The following NRXN3 variants were observed in gnomAD, a reference collection of about 807,000 sequenced individuals.
The protein encoded by NRXN3 is neurexin 3, also known as neurexin III.
In NRXN3, 32 loss-of-function variants were observed where a neutral mutation model predicts 137.6. The observed-to-expected ratio is 0.23, with a 90% CI of 0.18 to 0.31. The LOEUF (loss-of-function observed/expected upper bound fraction) is 0.31. Ranked by LOEUF, NRXN3 falls within the 10% of genes least tolerant of loss-of-function variation. The probability of loss-of-function intolerance (pLI) is 1.00; values close to 1 mark genes in which losing one functional copy is unlikely to be tolerated. For missense variants in NRXN3, 1,574 were observed against 2,062.5 expected, an observed-to-expected ratio of 0.76 and a Z score of 4.59; for synonymous variants, 798 against 784.5, an observed-to-expected ratio of 1.02 and a Z score of -0.29.
chr14:78,983,403 A>T (rs2099494482), intron 14 of NRXN3, among the ~76,000 whole-genome samples: 1 of 152,258 alleles, frequency 6.6e-6, no homozygotes, highest in Non-Finnish European at 1.5e-5. Flanking sequence ...CTGGGTGTTC[A>T]TCCTCAGATG....
chr14:78,315,172 T>G (rs1438329950), intron 4 of NRXN3, among the ~76,000 whole-genome samples: 1 of 151,598 alleles, frequency 6.6e-6, no homozygotes, highest in Non-Finnish European at 1.5e-5. Context: ...CCAGCTAATT[T>G]TTGTATTTTT....
At chr14:78,570,993 G>C (rs939851169) in intron 4 of NRXN3, among the ~76,000 whole-genome samples, 2 of 152,134 alleles carry the variant, frequency 1.3e-5, no homozygotes, top group Admixed American at 6.5e-5. Context: ...CAGCAGCCCC[G>C]CTGGGCCCTG....
intron 19 of NRXN3, among the ~76,000 whole-genome samples, chr14:79,749,181 A>T (rs530766624): frequency 1.3e-5 from 2 of 152,176 alleles, no homozygotes; most frequent in African/African-American, 4.8e-5. Flanking sequence ...GGGCATTGTT[A>T]GGAGGAGACT....
chr14:79,303,158 T>G (rs1312840603), intron 15 of NRXN3, among the ~76,000 whole-genome samples: 1 of 152,040 alleles, frequency 6.6e-6, no homozygotes, highest in African/African-American at 2.4e-5. Context: ...TCTTCCAGGC[T>G]TGGGGCTTTA....
At chr14:78,464,401 G>A (rs990542686) in intron 4 of NRXN3, among the ~76,000 whole-genome samples, 2 of 152,150 alleles carry the variant, frequency 1.3e-5, no homozygotes, top group South Asian at 2.1e-4. Context: ...TAGACAGTAA[G>A]GGAGGAGGCT....
chr14:78,217,866 G>T (rs776079370), intron 1 of NRXN3, among the ~76,000 whole-genome samples: 9 of 152,116 alleles, frequency 5.9e-5, no homozygotes, highest in Non-Finnish European at 1.3e-4. Context: ...TCACCATGTT[G>T]ACCAGGCTGG....
intron 4 of NRXN3, among the ~76,000 whole-genome samples, chr14:78,604,867 A>T (rs1379588729): frequency 6.6e-6 from 1 of 152,230 alleles, no homozygotes; most frequent in Non-Finnish European, 1.5e-5. Context: ...TGTTCAAAGT[A>T]TTGAAAGCAC....
At chr14:79,781,059 A>G (rs1279379870) in intron 19 of NRXN3, among the ~76,000 whole-genome samples, 1 of 151,806 alleles carries the variant, frequency 6.6e-6, no homozygotes, top group Non-Finnish European at 1.5e-5. Context: ...TTTTTAAATA[A>G]TTAACTAAAC....
chr14:79,308,209 A>G (rs1052285991), intron 15 of NRXN3, among the ~76,000 whole-genome samples: 1 of 152,164 alleles, frequency 6.6e-6, no homozygotes, highest in African/African-American at 2.4e-5. Flanking sequence ...GAATGTTGAA[A>G]TGAAGTAATT....
At chr14:79,132,749 T>A (rs2057718546) in intron 15 of NRXN3, among the ~76,000 whole-genome samples, 1 of 152,146 alleles carries the variant, frequency 6.6e-6, no homozygotes, top group Non-Finnish European at 1.5e-5. Context: ...AGGAACAGAC[T>A]CTGAGATTGA....
intron 6 of NRXN3, chr14:78,708,369 GGCTGAAATAGGGCTTCAGGGTGTCTC>G (rs2098376760): frequency 6.6e-6 from 1 of 152,204 alleles, no homozygotes; most frequent in South Asian, 2.1e-4. Context: ...TTGACTGACT[GGCTGAAATAGGGCTTCAGGGTGTCTC>G]ATTCTACCAC....
intron 15 of NRXN3, among the ~76,000 whole-genome samples, chr14:79,100,326 C>T (rs552812608): frequency 3.2e-4 from 48 of 152,310 alleles, no homozygotes; most frequent in African/African-American, 1.1e-3. Flanking sequence ...AATCCCCGAT[C>T]GTCTCTTTCT....
chr14:79,684,321 A>G (rs1455449346), intron 17 of NRXN3, among the ~76,000 whole-genome samples: 3 of 152,168 alleles, frequency 2.0e-5, no homozygotes, highest in African/African-American at 7.2e-5. Flanking sequence ...TTAGTTAGAA[A>G]CAAGCCTAAT....
intron 15 of NRXN3, among the ~76,000 whole-genome samples, chr14:79,379,746 G>A (rs911828519): frequency 6.6e-6 from 1 of 152,102 alleles, no homozygotes; most frequent in African/African-American, 2.4e-5. Flanking sequence ...ACAGGGGGCA[G>A]TTTAACTGGC....
intron 15 of NRXN3, among the ~76,000 whole-genome samples, chr14:79,150,936 A>G (rs923317198): frequency 1.3e-5 from 2 of 152,034 alleles, no homozygotes; most frequent in Non-Finnish European, 2.9e-5. Context: ...GTGACAGGTG[A>G]TGTTGCCTGC....
rs142601702 is a variant in NRXN3, at chr14:78,858,098, T to A, written c.2275+47754T>A. Among the ~76,000 whole-genome samples, 572 of 152,290 alleles carry A rather than the reference T, an allele frequency of 3.8e-3. 3 individuals are homozygous for A. Among genetic ancestry groups the A allele is most frequent in the African/African-American group, 0.013 (550 of 41,562 alleles). ...CTAATTTGCTAGGGGAGTTCCCTAG[T>A]GGCAGAGAGTTTACACCATGTGTTG... On this transcript the variant is annotated intron_variant, in intron 10 of 20. Coordinates refer to ENST00000335750, the MANE Select transcript of NRXN3 (RefSeq NM_001330195.2).
intron 10 of NRXN3, among the ~76,000 whole-genome samples, chr14:78,901,105 T>C (rs889489761): frequency 1.3e-5 from 2 of 152,064 alleles, no homozygotes; most frequent in East Asian, 1.9e-4. Flanking sequence ...TATTTTTTTC[T>C]ATCTGCTTCT....
At chr14:78,734,834 G>T (rs1019608018) in intron 8 of NRXN3, among the ~76,000 whole-genome samples, 1 of 152,222 alleles carries the variant, frequency 6.6e-6, no homozygotes, top group Non-Finnish European at 1.5e-5. Context: ...GAAGGTGGAA[G>T]TGGGGAGGAG....
intron 16 of NRXN3, among the ~76,000 whole-genome samples, chr14:79,605,165 C>T (rs982768237): frequency 1.3e-5 from 2 of 152,068 alleles, no homozygotes; most frequent in African/African-American, 4.8e-5. Flanking sequence ...ATTAATAAGC[C>T]ATGTTAGCAG....
Sources: gnomAD v4.1 joint callset for allele counts (sites outside exome capture counted in the v4.1 genomes callset) on GRCh38, gnomAD v4.1.1 for gene constraint, MANE v1.5 for transcripts, NCBI Gene and HGNC (gene_info 2026-07-23, HGNC 2026-07-21) for gene names.